Variants in GPC5 observed in about 807,000 individuals in gnomAD.
GPC5 encodes the protein glypican 5.
Under a neutral mutation model 53.9 loss-of-function variants are expected in GPC5, and 47 were observed. That is an observed-to-expected ratio of 0.87 (90% CI 0.69 to 1.11). The LOEUF is 1.11. Ranked by LOEUF, GPC5 falls within the 50% of genes most tolerant of loss-of-function variation. GPC5 has a pLI of 0.00. For synonymous variants in GPC5, 286 were observed against 263.3 expected, an observed-to-expected ratio of 1.09 and a Z score of -0.84; for missense variants, 748 against 713.1, an observed-to-expected ratio of 1.05 and a Z score of -0.56.
chr13:91,826,204 G>A lies in GPC5; in HGVS notation c.1280+69784G>A, dbSNP rs1414017078. On this transcript the variant is annotated intron_variant, in intron 5 of 7. Transcript: ENST00000377067. ...TAAATAAATGATGAGATGTCTACAT[G>A]TTGCATTTAGCAGATAAAGACTTTA... 8.1e-5 allele frequency among the ~76,000 whole-genome samples: 12 copies of A among 147,670 alleles called. No homozygotes were observed. In the East Asian group the frequency reaches 2.5e-3, roughly 30 times the overall value.
chr13:92,143,865 C>T (rs776117768), intron 6 of GPC5, among the ~76,000 whole-genome samples: 9 of 152,046 alleles, frequency 5.9e-5, no homozygotes, highest in Non-Finnish European at 8.8e-5. Flanking sequence ...TGGAAAGTCA[C>T]AGAAGTAACA....
chr13:92,472,111 G>T (rs1220854053), intron 7 of GPC5, among the ~76,000 whole-genome samples: 4 of 152,026 alleles, frequency 2.6e-5, no homozygotes, highest in Non-Finnish European at 5.9e-5. Context: ...CATGGATTTG[G>T]GATTCTGAAT....
intron 7 of GPC5, among the ~76,000 whole-genome samples, chr13:92,281,204 G>C (rs1030608020): frequency 6.6e-6 from 1 of 152,294 alleles, no homozygotes. Context: ...TGGGGTAGGG[G>C]AGCCTGCCAT....
At chr13:92,696,614 T>C (rs996497167) in intron 7 of GPC5, among the ~76,000 whole-genome samples, 1 of 152,206 alleles carries the variant, frequency 6.6e-6, no homozygotes, top group African/African-American at 2.4e-5. Context: ...GTCAGTTGGA[T>C]AGATTGCAAA....
chr13:91,411,913 G>T (rs1219481964), intron 1 of GPC5, among the ~76,000 whole-genome samples: 2 of 152,178 alleles, frequency 1.3e-5, no homozygotes, highest in South Asian at 2.1e-4. Context: ...CTGTTCTAGA[G>T]TTACTTTATA....
At position 92,866,357 on chromosome 13, in the gene GPC5, CA is replaced by C; in HGVS notation, c.1638del (p.Gly547GlufsTer11). 1 of 1,613,142 alleles carries C rather than the reference CA, an allele frequency of 6.2e-7. No homozygotes were observed. Among genetic ancestry groups the C allele is most frequent in the Non-Finnish European group, 8.5e-7 (1 of 1,179,360 alleles). On this transcript the variant is annotated frameshift_variant, in exon 8 of 8. Transcript: ENST00000377067. LOFTEE classifies it low-confidence loss of function (END_TRUNC). ...GACACTGGCAGTACTTTAGACACAA[CA>C]GGAGCAGGATGTGCAGTGGCGACTG... ...QTDTGSTLDT[T>X]GAGCAVATES...
chr13:92,185,773 C>A (rs2042179544), intron 7 of GPC5, among the ~76,000 whole-genome samples: 1 of 151,956 alleles, frequency 6.6e-6, no homozygotes, highest in South Asian at 2.1e-4. Context: ...TGTGTTGCAA[C>A]CAAATTAGAA....
At chr13:92,161,945 T>C (rs2041990944) in intron 7 of GPC5, among the ~76,000 whole-genome samples, 1 of 99,384 alleles carries the variant, frequency 1.0e-5, no homozygotes, top group African/African-American at 3.7e-5. Context: ...GCCTATTAAG[T>C]AATATATAGC....
intron 7 of GPC5, among the ~76,000 whole-genome samples, chr13:92,652,398 G>T (rs529566254): frequency 1.3e-5 from 2 of 152,206 alleles, no homozygotes; most frequent in East Asian, 3.9e-4. Flanking sequence ...ATGCCTTTTA[G>T]TTACCCTGTA....
intron 6 of GPC5, among the ~76,000 whole-genome samples, chr13:92,015,884 ACTTTTAAATG>A (rs545433062): frequency 1.1e-3 from 172 of 152,334 alleles, no homozygotes; most frequent in African/African-American, 3.9e-3. Flanking sequence ...TCTTTTATTT[ACTTTTAAATG>A]CTTACACAAA....
intron 7 of GPC5, among the ~76,000 whole-genome samples, chr13:92,673,885 T>C (rs1886839215): frequency 6.6e-6 from 1 of 152,176 alleles, no homozygotes; most frequent in African/African-American, 2.4e-5. Context: ...ACCTCATAAA[T>C]AATGGAATGA....
intron 6 of GPC5, among the ~76,000 whole-genome samples, chr13:92,138,451 C>G (rs542679689): frequency 6.6e-6 from 1 of 150,466 alleles, no homozygotes; most frequent in Non-Finnish European, 1.5e-5. Flanking sequence ...ACCCGGGAGG[C>G]GGAGGTTGCA....
intron 3 of GPC5, among the ~76,000 whole-genome samples, chr13:91,726,354 C>T (rs979301617): frequency 3.3e-5 from 5 of 152,168 alleles, no homozygotes; most frequent in African/African-American, 2.4e-5. Context: ...ATGGTTTTCT[C>T]TCTCTAGTCC....
chr13:92,082,753 T>A (rs1360172769), intron 6 of GPC5, among the ~76,000 whole-genome samples: 1 of 152,170 alleles, frequency 6.6e-6, no homozygotes, highest in Non-Finnish European at 1.5e-5. Context: ...GGAAGTGAAA[T>A]ATCTGCCAAA....
At chr13:92,564,279 G>C (rs1027775858) in intron 7 of GPC5, among the ~76,000 whole-genome samples, 1 of 151,886 alleles carries the variant, frequency 6.6e-6, no homozygotes, top group African/African-American at 2.4e-5. Context: ...AATAGGTTTT[G>C]CATGGATCCA....
intron 2 of GPC5, among the ~76,000 whole-genome samples, chr13:91,629,659 T>TA (rs1173834406): frequency 2.0e-5 from 3 of 152,020 alleles, no homozygotes; most frequent in South Asian, 4.2e-4. Context: ...TATGTATATA[T>TA]TTTTTTTCAA....
intron 6 of GPC5, among the ~76,000 whole-genome samples, chr13:92,055,962 TA>T (rs548213288): frequency 1.0e-3 from 158 of 152,320 alleles, no homozygotes; most frequent in Middle Eastern, 6.8e-3. Flanking sequence ...ACCATTAGTT[TA>T]AATTTTTTTC....
intron 2 of GPC5, among the ~76,000 whole-genome samples, chr13:91,599,160 T>G (rs79459933): frequency 0.012 from 1,844 of 152,248 alleles, 26 homozygotes; most frequent in African/African-American, 0.042. Flanking sequence ...AAATGCCTAG[T>G]AATTTAAAAA....
intron 7 of GPC5, among the ~76,000 whole-genome samples, chr13:92,358,136 C>T (rs1171273470): frequency 6.6e-6 from 1 of 151,722 alleles, no homozygotes; most frequent in East Asian, 1.9e-4. Context: ...TAAATACTCC[C>T]TTTCCAAAAG....
Sources: allele counts gnomAD v4.1 joint callset (sites outside exome capture counted in the v4.1 genomes callset), GRCh38; gene constraint gnomAD v4.1.1; transcripts MANE v1.5; gene names NCBI Gene and HGNC (gene_info 2026-07-23, HGNC 2026-07-21).